The following CADM1 variants were observed in gnomAD, a reference collection of about 807,000 sequenced individuals.
CADM1 encodes the protein cell adhesion molecule 1, also known as TSLC-1.
A neutral mutation model predicts 53.1 loss-of-function variants in CADM1; 15 were observed. The observed-to-expected ratio is 0.28, with a 90% CI of 0.19 to 0.44. The LOEUF (loss-of-function observed/expected upper bound fraction) is 0.44. CADM1 is among the 20% of genes least tolerant of loss of function. The pLI is 1.00. For missense variants in CADM1, 434 were observed against 611.3 expected, an observed-to-expected ratio of 0.71 and a Z score of 3.06; for synonymous variants, 281 against 243.0, an observed-to-expected ratio of 1.16 and a Z score of -1.45.
chr11:115,412,740 T>C (rs2095978331), intron 1 of CADM1, among the ~76,000 whole-genome samples: 1 of 152,168 alleles, frequency 6.6e-6, no homozygotes, highest in African/African-American at 2.4e-5. Context: ...TCTCTAATCA[T>C]TTACCATTAA....
intron 1 of CADM1, among the ~76,000 whole-genome samples, chr11:115,426,538 A>AT (rs1947897566): frequency 6.6e-6 from 1 of 151,968 alleles, no homozygotes. Flanking sequence ...AGTTCAAAGG[A>AT]TTTTGCCTCC....
intron 1 of CADM1, among the ~76,000 whole-genome samples, chr11:115,344,045 A>C (rs982805473): frequency 6.6e-6 from 1 of 151,852 alleles, no homozygotes; most frequent in Non-Finnish European, 1.5e-5. Context: ...TTGTAGACAG[A>C]GAACCCCAAA....
rs1298828525 is a variant in CADM1 at position 115,299,051 on chromosome 11, C to G, written c.125-58631G>C. Among the ~76,000 whole-genome samples, 3 of 152,214 alleles carry G rather than the reference C, an allele frequency of 2.0e-5. No individual in the cohort carries two copies. In the East Asian group the frequency reaches 5.8e-4, roughly 29 times the overall value. ...TAAAGGTAATCTTAAATTGGGTTCT[C>G]TTTCAAGATATCACTAACTCAAATT... On this transcript the variant is annotated intron_variant, in intron 1 of 11. Transcript: ENST00000331581.
intron 1 of CADM1, among the ~76,000 whole-genome samples, chr11:115,486,229 G>A (rs1949370447): frequency 6.6e-6 from 1 of 151,870 alleles, no homozygotes; most frequent in Non-Finnish European, 1.5e-5. Flanking sequence ...ATCATTGTAG[G>A]ACTCATGAAC....
intron 1 of CADM1, among the ~76,000 whole-genome samples, chr11:115,248,375 C>T (rs1942477337): frequency 6.6e-6 from 1 of 152,196 alleles, no homozygotes; most frequent in Non-Finnish European, 1.5e-5. Flanking sequence ...TCAGGGCCCA[C>T]ATCACTAAAA....
intron 1 of CADM1, among the ~76,000 whole-genome samples, chr11:115,404,570 AAATT>A (rs955827481): frequency 2.7e-5 from 4 of 150,012 alleles, no homozygotes; most frequent in African/African-American, 9.7e-5. Context: ...GCCTGCATTA[AAATT>A]AATATAAAAG....
At chr11:115,338,871 T>A (rs1347071147) in intron 1 of CADM1, among the ~76,000 whole-genome samples, 2 of 34,878 alleles carry the variant, frequency 5.7e-5, no homozygotes, top group East Asian at 4.1e-4. Context: ...TTCTTTTATT[T>A]TTTTTATTTT....
intron 1 of CADM1, among the ~76,000 whole-genome samples, chr11:115,425,468 TAC>T (rs1184155744): frequency 3.9e-5 from 6 of 152,224 alleles, no homozygotes; most frequent in East Asian, 1.9e-4. Flanking sequence ...CTCATTTTCA[TAC>T]AGTTTCCACT....
At chr11:115,198,327 C>T (rs1940258826) in intron 9 of CADM1, 79 bp downstream of exon 9, 1 of 1,059,004 alleles carries the variant, frequency 9.4e-7, no homozygotes, top group African/African-American at 1.6e-5. Flanking sequence ...CCCTTGAAGA[C>T]TACATTTCTC....
intron 5 of CADM1, among the ~76,000 whole-genome samples, chr11:115,228,883 T>C (rs764793524): frequency 6.6e-6 from 1 of 152,190 alleles, no homozygotes; most frequent in Non-Finnish European, 1.5e-5. Flanking sequence ...TTAGAGCAGA[T>C]TGATATTATT....
At chr11:115,446,221 AG>A (rs1416074189) in intron 1 of CADM1, among the ~76,000 whole-genome samples, 6 of 152,178 alleles carry the variant, frequency 3.9e-5, no homozygotes. Context: ...ATCAGAATAC[AG>A]GGGTCAGGCA....
intron 1 of CADM1, among the ~76,000 whole-genome samples, chr11:115,420,619 G>A (rs113615253): frequency 2.6e-5 from 4 of 152,272 alleles, no homozygotes; most frequent in African/African-American, 9.6e-5. Flanking sequence ...CAGGTCTCCA[G>A]CCAAAACAGG....
At chr11:115,266,979 A>G (rs1327503880) in intron 1 of CADM1, among the ~76,000 whole-genome samples, 1 of 152,244 alleles carries the variant, frequency 6.6e-6, no homozygotes, top group African/African-American at 2.4e-5. Context: ...GGTTTTCTCC[A>G]TTCTTTAAGC....
Position 115,325,829 on chromosome 11 carries a change from T to G in CADM1, c.125-85409A>C, listed in dbSNP as rs553197937. ...ACAGCTTAGGAGAGGTAAACCTCTT[T>G]TTAATTGTATTCTATGATACTAACA... On this transcript the variant is annotated intron_variant, in intron 1 of 11. Transcript: ENST00000331581. 2.0e-5 allele frequency among the ~76,000 whole-genome samples: 3 copies of G among 152,302 alleles called. No individual in the cohort carries two copies. The South Asian group carries it at 6.2e-4, about 32-fold the overall frequency.
intron 1 of CADM1, among the ~76,000 whole-genome samples, chr11:115,372,276 AT>A (rs776521440): frequency 6.6e-6 from 1 of 152,244 alleles, no homozygotes; most frequent in Non-Finnish European, 1.5e-5. Context: ...GCCAGACTAA[AT>A]TAACAGAATT....
intron 1 of CADM1, among the ~76,000 whole-genome samples, chr11:115,342,305 T>C (rs1462047539): frequency 6.6e-6 from 1 of 152,014 alleles, no homozygotes; most frequent in African/African-American, 2.4e-5. Context: ...AACTCAAGAG[T>C]TGTATGTGTA....
At chr11:115,284,010 A>G (rs1359769564) in intron 1 of CADM1, among the ~76,000 whole-genome samples, 2 of 152,032 alleles carry the variant, frequency 1.3e-5, no homozygotes, top group African/African-American at 2.4e-5. Context: ...GAAAAATGGT[A>G]AAATTATTGA....
intron 1 of CADM1, among the ~76,000 whole-genome samples, chr11:115,402,466 T>G (rs1227042249): frequency 1.3e-5 from 2 of 152,172 alleles, no homozygotes; most frequent in Admixed American, 6.5e-5. Flanking sequence ...GAGGTTGCAG[T>G]GAGCCAAGAT....
At chr11:115,453,301 T>C (rs1948614048) in intron 1 of CADM1, among the ~76,000 whole-genome samples, 1 of 151,260 alleles carries the variant, frequency 6.6e-6, no homozygotes, top group African/African-American at 2.4e-5. Flanking sequence ...TGGGAGCTCA[T>C]GGCTGCAGTG....
Sources: gnomAD v4.1 joint callset for allele counts (sites outside exome capture counted in the v4.1 genomes callset) on GRCh38, gnomAD v4.1.1 for gene constraint, MANE v1.5 for transcripts, NCBI Gene and HGNC (gene_info 2026-07-23, HGNC 2026-07-21) for gene names.